ZFYVE26: variants seen among roughly 807,000 people sequenced by gnomAD.
ZFYVE26 encodes the protein zinc finger FYVE-type containing 26, also known as zinc finger FYVE domain-containing protein 26.
Under a neutral mutation model 276.5 loss-of-function variants are expected in ZFYVE26, and 181 were observed. The ratio of observed to expected loss-of-function variants is 0.65; its 90% CI spans 0.58 to 0.74. The LOEUF (loss-of-function observed/expected upper bound fraction) is 0.74, where lower values mean the gene tolerates loss of function less well. Among genes scored for constraint, ZFYVE26 ranks in the 30% least tolerant of loss-of-function variants. The pLI is 0.00. For synonymous variants in ZFYVE26, 1,129 were observed against 1,203.1 expected (o/e 0.94, Z 1.27); for missense variants, 2,821 against 3,097.9 (o/e 0.91, Z 2.12).
rs2038714864 is a variant in ZFYVE26 at position 67,754,064 on chromosome 14, C to T, written c.7128+7G>A. On this transcript the variant is annotated splice_region_variant and intron_variant, in intron 38 of 41. Transcript: ENST00000347230. Reference sequence around the variant, plus strand: ...AGTCTGCCAGAGGTCTGAAACGCTGCATGTACCTTGCAGGCAACATCCATT... The same window carrying T: ...AGTCTGCCAGAGGTCTGAAACGCTGTATGTACCTTGCAGGCAACATCCATT... The T allele has an allele frequency of 2.5e-6, 4 of 1,614,240 alleles. No individual in the cohort carries two copies. The highest frequency in any genetic ancestry group is 3.4e-6 in the Non-Finnish European group (4 of 1,180,022).
intron 32 of ZFYVE26, among the ~76,000 whole-genome samples, chr14:67,763,962 G>T (rs546101151): frequency 6.6e-6 from 1 of 152,082 alleles, no homozygotes; most frequent in African/African-American, 2.4e-5. Flanking sequence ...AGGCCACATC[G>T]CTACCATTCC....
At chr14:67,732,658 C>T (rs1025054567) in intron 13 of ZFYVE26, among the ~76,000 whole-genome samples, 21 of 152,010 alleles carry the variant, frequency 1.4e-4, no homozygotes, top group African/African-American at 5.1e-4. Context: ...CTCACTGCAA[C>T]CTCTGCCTCC....
At chr14:67,799,228 T>C (rs1812860638) in intron 10 of ZFYVE26, 1 of 1,613,344 alleles carries the variant, frequency 6.2e-7, no homozygotes, top group Non-Finnish European at 8.5e-7. Context: ...AACAGGCCTA[T>C]CTGGACTTCA....
intron 23 of ZFYVE26, among the ~76,000 whole-genome samples, chr14:67,778,621 C>T (rs2039416133): frequency 6.6e-6 from 1 of 152,064 alleles, no homozygotes; most frequent in African/African-American, 2.4e-5. Context: ...AAAATTTTGG[C>T]AATAAAGTCA....
chr14:67,795,271 G>A (rs2039927388), intron 12 of ZFYVE26, among the ~76,000 whole-genome samples: 1 of 152,202 alleles, frequency 6.6e-6, no homozygotes, highest in Admixed American at 6.5e-5. Flanking sequence ...TAATGTAGCA[G>A]CTTAAGGGAC....
intron 20 of ZFYVE26, 48 bp downstream of exon 20, chr14:67,784,286 G>A (rs1448962616): frequency 6.6e-7 from 1 of 1,513,236 alleles, no homozygotes; most frequent in Non-Finnish European, 9.2e-7. Context: ...CTATATTGAT[G>A]AAATCATCCG....
At chr14:67,797,472 G>A (rs940148254) in intron 12 of ZFYVE26, 200 bp downstream of exon 12, 2 of 652,976 alleles carry the variant, frequency 3.1e-6, no homozygotes, top group East Asian at 5.5e-5. Context: ...TATATAAAAG[G>A]ATATACATGT....
At position 67,805,449 on chromosome 14, in the gene ZFYVE26, G is replaced by A. The variant is rs1258324784; in HGVS notation, c.1182+5C>T. ...GAGCAGCCTGGGATGCTGAGTGAGA[G>A]TTACCTGGGTCCTGTGCAGGGTCTG... is the stretch of plus-strand genomic sequence containing the variant. On this transcript the variant is annotated splice_donor_5th_base_variant and intron_variant, in intron 7 of 41. Transcript: ENST00000347230. The A allele has an allele frequency of 2.5e-6, 4 of 1,614,206 alleles. No homozygotes were observed. In the East Asian group the frequency reaches 8.9e-5, roughly 36 times the overall value.
rs1753579056 is a variant in ZFYVE26 at position 67,785,293 on chromosome 14, C to T, written c.3305-16G>A. The T allele has an allele frequency of 1.3e-6, 2 of 1,578,492 alleles. No individual in the cohort carries two copies. The highest frequency in any genetic ancestry group is 1.7e-6 in the Non-Finnish European group (2 of 1,162,298). On this transcript the variant is annotated splice_polypyrimidine_tract_variant and intron_variant, in intron 18 of 41. Transcript: ENST00000347230. ...GTCCTGGGCTCTGAGAGGAGGATGG[C>T]AGGAGAAAGGACACAGGCTTCAGTC...
intron 13 of ZFYVE26, among the ~76,000 whole-genome samples, chr14:67,732,745 T>A (rs564812985): frequency 2.1e-4 from 32 of 152,132 alleles, no homozygotes; most frequent in African/African-American, 7.2e-4. Context: ...CCCGGCTAAT[T>A]GTTTTTTGTA....
At chr14:67,751,342 T>G in intron 40 of ZFYVE26, 1 of 563,688 alleles carries the variant, frequency 1.8e-6, no homozygotes, top group Non-Finnish European at 3.2e-6. Flanking sequence ...TCTGGGCCAG[T>G]TCACCCCTCC....
intron 23 of ZFYVE26, among the ~76,000 whole-genome samples, chr14:67,779,801 G>A (rs551272661): frequency 1.3e-5 from 2 of 152,280 alleles, no homozygotes; most frequent in African/African-American, 4.8e-5. Flanking sequence ...ATACAAAAGA[G>A]TCAATTGTAT....
chr14:67,792,491 A>G (rs2039839617), intron 14 of ZFYVE26, among the ~76,000 whole-genome samples: 1 of 152,220 alleles, frequency 6.6e-6, no homozygotes, highest in Non-Finnish European at 1.5e-5. Flanking sequence ...CAATTTTCAA[A>G]TGAGGAAACC....
At chr14:67,789,927 T>C (rs1466805777) in intron 15 of ZFYVE26, among the ~76,000 whole-genome samples, 1 of 152,226 alleles carries the variant, frequency 6.6e-6, no homozygotes, top group Non-Finnish European at 1.5e-5. Flanking sequence ...TAGACTATAG[T>C]ATTGTCCTAA....
At chr14:67,729,738 C>T (rs753640160) in exon 14 of ZFYVE26, 1 of 510,434 alleles carries the variant, frequency 2.0e-6, no homozygotes. Context: ...TTTTTAAATA[C>T]CAATTAGCAC....
Position 67,783,487 on chromosome 14 carries a change from C to T in ZFYVE26, c.3665G>A (p.Ser1222Asn). The T allele has an allele frequency of 6.2e-7, 1 of 1,613,796 alleles. No homozygotes were observed. The highest frequency in any genetic ancestry group is 8.5e-7 in the Non-Finnish European group (1 of 1,180,036). ...GCAGCTGACGATGACCTGTGGCACA[C>T]TTAGGCTGAGATTCTCTTGGGCCAG... The part of the protein sequence containing the change: ...ALLAQENLSL[S>N]VPQVIVSCCC... Residue 1222 changes from serine to asparagine, a missense_variant, in exon 21 of 42, where the codon AGT becomes AAT. Coordinates refer to ENST00000347230, the MANE Select transcript of ZFYVE26 (RefSeq NM_015346.4).
intron 16 of ZFYVE26, among the ~76,000 whole-genome samples, chr14:67,787,062 G>A (rs1223704907): frequency 2.6e-5 from 4 of 152,148 alleles, no homozygotes; most frequent in Non-Finnish European, 5.9e-5. Flanking sequence ...AGGGGTGGGG[G>A]AAGATGGAGA....
At chr14:67,787,490 A>G (rs1336920164) in intron 16 of ZFYVE26, among the ~76,000 whole-genome samples, 1 of 152,234 alleles carries the variant, frequency 6.6e-6, no homozygotes, top group Non-Finnish European at 1.5e-5. Flanking sequence ...TGTAACACAA[A>G]GGATAAATGC....
At chr14:67,749,985 C>A (rs1285738800) in intron 41 of ZFYVE26, among the ~76,000 whole-genome samples, 2 of 152,130 alleles carry the variant, frequency 1.3e-5, no homozygotes, top group East Asian at 1.9e-4. Context: ...GAGAAAAATA[C>A]CTGAAAAAGT....
Sources: gnomAD v4.1 joint callset for allele counts (sites outside exome capture counted in the v4.1 genomes callset) on GRCh38, gnomAD v4.1.1 for gene constraint, MANE v1.5 for transcripts, NCBI Gene and HGNC (gene_info 2026-07-23, HGNC 2026-07-21) for gene names.